PLXNA4: variants seen among roughly 807,000 people sequenced by gnomAD.
The protein encoded by PLXNA4 is plexin A4, also known as plexin-A4.
Under a neutral mutation model 191.8 loss-of-function variants are expected in PLXNA4, and 44 were observed. The ratio of observed to expected loss-of-function variants is 0.23; its 90% CI spans 0.18 to 0.29. The LOEUF (loss-of-function observed/expected upper bound fraction) is 0.29. Ranked by LOEUF, PLXNA4 falls within the 10% of genes least tolerant of loss-of-function variation. The probability of loss-of-function intolerance (pLI) is 1.00; values close to 1 mark genes in which losing one functional copy is unlikely to be tolerated. For missense variants in PLXNA4, 1,800 were observed against 2,488.8 expected (o/e 0.72, Z 5.89); for synonymous variants, 1,082 against 1,009.5 (o/e 1.07, Z -1.36).
intron 1 of PLXNA4, among the ~76,000 whole-genome samples, chr7:132,520,345 T>C (rs1305364242): frequency 6.6e-6 from 1 of 152,202 alleles, no homozygotes; most frequent in Non-Finnish European, 1.5e-5. Context: ...CAGGTGTTGG[T>C]CCATTTCACT....
At chr7:132,339,779 C>G (rs773430531) in intron 3 of PLXNA4, among the ~76,000 whole-genome samples, 1 of 152,178 alleles carries the variant, frequency 6.6e-6, no homozygotes, top group Middle Eastern at 3.4e-3. Context: ...GTTTAGGTGC[C>G]GAGTGACCTA....
chr7:132,339,876 G>A (rs1802958414), intron 3 of PLXNA4, among the ~76,000 whole-genome samples: 1 of 152,056 alleles, frequency 6.6e-6, no homozygotes. Flanking sequence ...GCCTCTAAGG[G>A]TTCTTATGTA....
intron 3 of PLXNA4, among the ~76,000 whole-genome samples, chr7:132,318,176 C>T (rs1186320215): frequency 2.6e-5 from 4 of 152,148 alleles, no homozygotes; most frequent in Non-Finnish European, 5.9e-5. Flanking sequence ...GGGGTAGCAT[C>T]TCAGGGCCCT....
At chr7:132,636,266 GC>G (rs999977994) in intron 2 of PLXNA4, among the ~76,000 whole-genome samples, 4 of 152,344 alleles carry the variant, frequency 2.6e-5, no homozygotes, top group African/African-American at 9.6e-5. Flanking sequence ...GAGTGCAGGG[GC>G]CTAGGAATTG....
At position 132,210,929 on chromosome 7, in the gene PLXNA4, GT is replaced by G. The variant is rs1345708480; in HGVS notation, c.2298+13del. Reference sequence around the variant, plus strand: ...GGGGCCTGGTTTGGCAGTGGGCAGGGTTGGGCGACTCACAGAGGTGTTCTGG... The same window carrying G: ...GGGGCCTGGTTTGGCAGTGGGCAGGGTGGGCGACTCACAGAGGTGTTCTGG... On this transcript the variant is annotated intron_variant, in intron 10 of 31. Transcript: ENST00000321063. 3.7e-6 allele frequency: 6 copies of G among 1,607,882 alleles called. No homozygotes were observed. In the Middle Eastern group the frequency reaches 6.6e-4, roughly 176 times the overall value.
At chr7:132,136,244 C>G (rs748108202) in intron 30 of PLXNA4, among the ~76,000 whole-genome samples, 1 of 152,204 alleles carries the variant, frequency 6.6e-6, no homozygotes, top group Non-Finnish European at 1.5e-5. Context: ...CACTGGGAAG[C>G]CTTACTGATC....
chr7:132,434,442 C>T (rs955679404), intron 3 of PLXNA4, among the ~76,000 whole-genome samples: 1 of 152,172 alleles, frequency 6.6e-6, no homozygotes. Context: ...TCCTGTCTCT[C>T]CCTGATGTTT....
intron 3 of PLXNA4, chr7:132,384,155 G>A (rs547907970): frequency 4.0e-4 from 398 of 985,416 alleles, no homozygotes; most frequent in Non-Finnish European, 4.6e-4. Context: ...CCACAGGCCA[G>A]GAACCTGTGG....
At position 132,174,820 on chromosome 7, in the gene PLXNA4, C is replaced by A. The variant is rs778334088; in HGVS notation, c.3975G>T (p.Leu1325=). Residue 1325 remains leucine, a synonymous_variant, in exon 21 of 32, where the codon CTG becomes CTT. Transcript: ENST00000321063. The part of the protein sequence containing the change: ...LDYRTYTMRV[L]FPGIEDHPVL... ...CAGGGTGGTCTTCAATTCCTGGGAA[C>A]AGCACCCGCATGGTGTAAGTTCTAT... The A allele has an allele frequency of 6.2e-7, 1 of 1,614,152 alleles. No individual in the cohort carries two copies.
intron 3 of PLXNA4, among the ~76,000 whole-genome samples, chr7:132,308,828 A>G (rs956531026): frequency 6.6e-6 from 1 of 152,176 alleles, no homozygotes. Context: ...TTACTATTCA[A>G]ATGAATGGAT....
At chr7:132,588,903 GAGAA>G in intron 2 of PLXNA4, among the ~76,000 whole-genome samples, 1 of 151,862 alleles carries the variant, frequency 6.6e-6, no homozygotes, top group Non-Finnish European at 1.5e-5. Flanking sequence ...GGAAGGGAGA[GAGAA>G]AGAAATAGAG....
At chr7:132,443,204 T>C (rs2021779) in intron 3 of PLXNA4, among the ~76,000 whole-genome samples, 111,425 of 152,062 alleles carry the variant, frequency 0.73, 45,035 homozygotes, top group Non-Finnish European at 0.91. Flanking sequence ...TGCTGATGTT[T>C]GGAGGTTTTC....
chr7:132,275,136 T>C (rs763737259), intron 4 of PLXNA4, among the ~76,000 whole-genome samples: 30 of 152,202 alleles, frequency 2.0e-4, no homozygotes, highest in African/African-American at 5.3e-4. Flanking sequence ...CTCTTCTCTA[T>C]AATTATTATT....
At chr7:132,515,980 G>A (rs1798920157) in intron 1 of PLXNA4, among the ~76,000 whole-genome samples, 1 of 152,302 alleles carries the variant, frequency 6.6e-6, no homozygotes, top group East Asian at 1.9e-4. Context: ...CTCAGAGCCT[G>A]AAACACAGTA....
At chr7:132,638,013 G>T (rs1186766168) in intron 2 of PLXNA4, among the ~76,000 whole-genome samples, 1 of 152,230 alleles carries the variant, frequency 6.6e-6, no homozygotes, top group Non-Finnish European at 1.5e-5. Flanking sequence ...CCCACAGTCA[G>T]CTAGGCTCCA....
chr7:132,173,493 G>A (rs965529217), intron 21 of PLXNA4, among the ~76,000 whole-genome samples: 2 of 152,310 alleles, frequency 1.3e-5, no homozygotes, highest in African/African-American at 4.8e-5. Flanking sequence ...TCTCTTAGCT[G>A]AGGAGCCAAA....
intron 4 of PLXNA4, among the ~76,000 whole-genome samples, chr7:132,249,548 A>G (rs1799173857): frequency 6.6e-6 from 1 of 152,206 alleles, no homozygotes; most frequent in Non-Finnish European, 1.5e-5. Context: ...CTGCGCTAAA[A>G]TGGCACGTGA....
At chr7:132,333,293 G>T (rs1802671734) in intron 3 of PLXNA4, among the ~76,000 whole-genome samples, 1 of 152,190 alleles carries the variant, frequency 6.6e-6, no homozygotes, top group African/African-American at 2.4e-5. Context: ...ATGACAATTT[G>T]GCACAGGTAT....
At chr7:132,429,128 T>A (rs191946647) in intron 3 of PLXNA4, among the ~76,000 whole-genome samples, 2 of 152,184 alleles carry the variant, frequency 1.3e-5, no homozygotes, top group African/African-American at 4.8e-5. Context: ...CCCTTCAAGA[T>A]CATGCAGCCC....
Sources: gnomAD v4.1 joint callset for allele counts (sites outside exome capture counted in the v4.1 genomes callset) on GRCh38, gnomAD v4.1.1 for gene constraint, MANE v1.5 for transcripts, NCBI Gene and HGNC (gene_info 2026-07-23, HGNC 2026-07-21) for gene names.